ZDHHC3: variants seen among roughly 807,000 people sequenced by gnomAD.
ZDHHC3 encodes the protein palmitoyltransferase ZDHHC3.
In ZDHHC3, 9 loss-of-function variants were observed where a neutral mutation model predicts 30.6. That is an observed-to-expected ratio of 0.29 (90% CI 0.18 to 0.51). The LOEUF is 0.51. ZDHHC3 is among the 20% of genes least tolerant of loss of function. The pLI, the probability that ZDHHC3 is intolerant of heterozygous loss-of-function variation, is 0.97. For synonymous variants in ZDHHC3, 136 were observed against 140.2 expected (o/e 0.97, Z 0.21); for missense variants, 246 against 384.2 (o/e 0.64, Z 3.01).
At chr3:44,945,431 T>C in intron 2 of ZDHHC3, 139 bp from the exon 3 acceptor site, 2 of 1,259,664 alleles carry the variant, frequency 1.6e-6, no homozygotes, top group East Asian at 2.4e-5. Flanking sequence ...ACATGTGGAC[T>C]CTGTGTTCAG....
At position 44,918,747 on chromosome 3, in the gene ZDHHC3, C is replaced by T. The variant is rs1195711953; in HGVS notation, c.*7942G>A. 1.0e-6 allele frequency: 1 copy of T among 988,028 alleles called. No individual in the cohort carries two copies. Among genetic ancestry groups the T allele is most frequent in the Non-Finnish European group, 1.2e-6 (1 of 831,446 alleles). The allele number at this position is 988,028 out of a possible 1,614,324, so 61.2% of individuals were successfully genotyped here. Reference sequence around the variant, plus strand: ...AGGTAAGGCTGGGCTCAGGCCTGCTCATGCAGCAGATCCACCCTGCAGCCT... The same window carrying T: ...AGGTAAGGCTGGGCTCAGGCCTGCTTATGCAGCAGATCCACCCTGCAGCCT... On this transcript the variant is annotated 3_prime_UTR_variant, in exon 7 of 7. Transcript: ENST00000424952.
Position 44,976,087 on chromosome 3 carries a change from A to G in ZDHHC3, c.-179T>C, listed in dbSNP as rs1015593000. 5 of 438,854 alleles carry G rather than the reference A, an allele frequency of 1.1e-5. No homozygotes were observed. Among genetic ancestry groups the G allele is most frequent in the African/African-American group, 6.2e-5 (3 of 48,374 alleles). The allele number at this position is 438,854 out of a possible 1,614,324, so 27.2% of individuals were successfully genotyped here. Reference sequence around the variant, plus strand: ...GCGCCGCGGCTCTCTGGACTCGGCCAGACACCGGGCGGCGCGCAGGAGAAG... The same window carrying G: ...GCGCCGCGGCTCTCTGGACTCGGCCGGACACCGGGCGGCGCGCAGGAGAAG... On this transcript the variant is annotated 5_prime_UTR_variant, in exon 1 of 7. Coordinates refer to ENST00000424952, the MANE Select transcript of ZDHHC3 (RefSeq NM_001135179.2).
rs775388446 is a variant in ZDHHC3 at position 44,945,284 on chromosome 3, C to G, written c.315G>C (p.Val105=). The change falls in exon 3 of 7, where the codon GTG becomes GTC. Residue 105 remains valine, a synonymous_variant. Coordinates refer to ENST00000424952, the MANE Select transcript of ZDHHC3 (RefSeq NM_001135179.2). ...ATTCTTTAGTGGCATTTCCTTTGGGCACTGCCCCCTGTAGGAAAGATGAAA... is the reference window on the plus strand; with the variant it reads ...ATTCTTTAGTGGCATTTCCTTTGGGGACTGCCCCCTGTAGGAAAGATGAAA... ...CRAMLTDPGA[V]PKGNATKEFI... The G allele has an allele frequency of 8.1e-6, 13 of 1,614,176 alleles. No homozygotes were observed. The South Asian group carries it at 1.3e-4, about 16-fold the overall frequency.
chr3:44,923,860 T>C lies in ZDHHC3; in HGVS notation c.*2829A>G, dbSNP rs1700786266. The C allele has an allele frequency of 3.0e-6, 3 of 985,378 alleles. No homozygotes were observed. The highest frequency in any genetic ancestry group is 3.6e-6 in the Non-Finnish European group (3 of 829,912). 61.0% of individuals were successfully genotyped at this position (985,378 alleles called of 1,614,324 possible). On this transcript the variant is annotated 3_prime_UTR_variant, in exon 7 of 7. Coordinates refer to ENST00000424952, the MANE Select transcript of ZDHHC3 (RefSeq NM_001135179.2). ...ACAAAATGGTGGGACTAAAAGGAGATTTAGCACATGCACTTCTACCCAAAT... is the reference window on the plus strand; with the variant it reads ...ACAAAATGGTGGGACTAAAAGGAGACTTAGCACATGCACTTCTACCCAAAT...
At chr3:44,956,634 TGGTACA>T in intron 2 of ZDHHC3, among the ~76,000 whole-genome samples, 1 of 152,290 alleles carries the variant, frequency 6.6e-6, no homozygotes, top group African/African-American at 2.4e-5. Context: ...CTCCAAGAGA[TGGTACA>T]GGCAGGATTG....
intron 2 of ZDHHC3, among the ~76,000 whole-genome samples, chr3:44,956,765 C>T (rs992501557): frequency 1.3e-5 from 2 of 152,136 alleles, no homozygotes; most frequent in Non-Finnish European, 2.9e-5. Context: ...TACCTCTAGT[C>T]CCCCTGCTTC....
chr3:44,923,170 G>A lies in ZDHHC3; in HGVS notation c.*3519C>T, dbSNP rs1251396887. The A allele has an allele frequency of 4.5e-6, 4 of 887,540 alleles. No individual in the cohort carries two copies. Among genetic ancestry groups the A allele is most frequent in the East Asian group, 1.2e-4 (1 of 8,276 alleles). The allele number at this position is 887,540 out of a possible 1,614,324, so 55.0% of individuals were successfully genotyped here. A position where few individuals can be genotyped will look rare whatever the true frequency, so the allele number is the denominator to read the frequency against. The stretch of plus-strand genomic sequence containing the variant: ...GGCTCACTGCAAGCTCCACTTCCCG[G>A]GTTCACGCCATTCTCCTGCCTCAGC... On this transcript the variant is annotated 3_prime_UTR_variant, in exon 7 of 7. Coordinates refer to ENST00000424952, the MANE Select transcript of ZDHHC3 (RefSeq NM_001135179.2).
intron 1 of ZDHHC3, among the ~76,000 whole-genome samples, chr3:44,973,834 AG>A (rs1705622801): frequency 6.6e-6 from 1 of 152,254 alleles, no homozygotes; most frequent in African/African-American, 2.4e-5. Flanking sequence ...TGAAAATTAG[AG>A]TATAAGGTTT....
intron 3 of ZDHHC3, among the ~76,000 whole-genome samples, chr3:44,943,462 G>A (rs898415753): frequency 6.6e-6 from 1 of 152,158 alleles, no homozygotes; most frequent in African/African-American, 2.4e-5. Flanking sequence ...CACAGGTACT[G>A]GGGAGCTGAC....
rs535645932 is a variant in ZDHHC3 at position 44,959,940 on chromosome 3, T to C, written c.-24-480A>G. Among the ~76,000 whole-genome samples, 99 of 152,250 alleles carry C rather than the reference T, an allele frequency of 6.5e-4. 1 individual carries two copies. The highest frequency in any genetic ancestry group is 1.1e-3 in the Non-Finnish European group (74 of 68,022). On this transcript the variant is annotated intron_variant, in intron 1 of 6. Transcript: ENST00000424952. This position sits in a 1 kb window ranked among gnomAD's most constrained non-coding sequence, Gnocchi z 4.3. ...CCACACCTGGCTAATTTTTATATTT[T>C]TTTGTAGAGATGGGGTTTTGCCATG...
Position 44,918,772 on chromosome 3 carries a change from T to G in ZDHHC3, c.*7917A>C. The G allele has an allele frequency of 1.0e-6, 1 of 986,940 alleles. No individual in the cohort carries two copies. Among genetic ancestry groups the G allele is most frequent in the Non-Finnish European group, 1.2e-6 (1 of 830,978 alleles). 61.1% of individuals were successfully genotyped at this position (986,940 alleles called of 1,614,324 possible). ...CATGCAGCAGATCCACCCTGCAGCC[T>G]CTTCCAAGCTGTCAACTCACCTGCC... is the stretch of plus-strand genomic sequence containing the variant. On this transcript the variant is annotated 3_prime_UTR_variant, in exon 7 of 7. Coordinates refer to ENST00000424952, the MANE Select transcript of ZDHHC3 (RefSeq NM_001135179.2).
Position 44,932,812 on chromosome 3 carries a change from A to G in ZDHHC3, c.610+306T>C, listed in dbSNP as rs1701610617. 2.6e-6 allele frequency: 3 copies of G among 1,143,052 alleles called. No individual in the cohort carries two copies. The East Asian group carries it at 7.1e-5, about 27-fold the overall frequency. The allele number at this position is 1,143,052 out of a possible 1,614,324, so 70.8% of individuals were successfully genotyped here. A position where few individuals can be genotyped will look rare whatever the true frequency, so the allele number is the denominator to read the frequency against. On this transcript the variant is annotated intron_variant, in intron 5 of 6. Transcript: ENST00000424952. ...AAACTTCTCTCCCAGCATGGCTCCCACGCATTGGAACCGGCCTCTGTGCTT... is the reference window on the plus strand; with the variant it reads ...AAACTTCTCTCCCAGCATGGCTCCCGCGCATTGGAACCGGCCTCTGTGCTT...
chr3:44,958,529 T>C (rs1470572365), intron 2 of ZDHHC3: 2 of 1,440,096 alleles, frequency 1.4e-6, no homozygotes, highest in East Asian at 4.9e-5. Context: ...CGTGCGCAGC[T>C]TGGCATATTT....
chr3:44,972,739 G>C (rs1438954299), intron 1 of ZDHHC3, among the ~76,000 whole-genome samples: 1 of 152,202 alleles, frequency 6.6e-6, no homozygotes, highest in Non-Finnish European at 1.5e-5. Flanking sequence ...TCATGCAGTA[G>C]TTCGAGGTCC....
intron 1 of ZDHHC3, among the ~76,000 whole-genome samples, chr3:44,965,912 C>T (rs1379609228): frequency 6.6e-6 from 1 of 152,210 alleles, no homozygotes; most frequent in African/African-American, 2.4e-5. Flanking sequence ...TTTTCTAAAA[C>T]ACCGCATCCA....
chr3:44,924,992 TG>T lies in ZDHHC3; in HGVS notation c.*1696del. 1 of 985,520 alleles carries T rather than the reference TG, an allele frequency of 1.0e-6. No individual in the cohort carries two copies. Among genetic ancestry groups the T allele is most frequent in the South Asian group, 4.7e-5 (1 of 21,290 alleles). 61.0% of individuals were successfully genotyped at this position (985,520 alleles called of 1,614,324 possible). On this transcript the variant is annotated 3_prime_UTR_variant, in exon 7 of 7. Coordinates refer to ENST00000424952, the MANE Select transcript of ZDHHC3 (RefSeq NM_001135179.2). ...CAGAAAGCAAAGGAAAGAGGCCTGGTGGGGCAAGCTGGTTCAAGAGAGGGAC... is the reference window on the plus strand; with the variant it reads ...CAGAAAGCAAAGGAAAGAGGCCTGGTGGGCAAGCTGGTTCAAGAGAGGGAC...
At chr3:44,955,770 C>T (rs544161332) in intron 2 of ZDHHC3, among the ~76,000 whole-genome samples, 3 of 152,118 alleles carry the variant, frequency 2.0e-5, no homozygotes, top group African/African-American at 4.8e-5. Context: ...TAGGAGCTCC[C>T]GCTTCTGCAG....
intron 1 of ZDHHC3, chr3:44,975,621 C>T (rs1261144573): frequency 3.3e-5 from 5 of 152,248 alleles, no homozygotes; most frequent in Non-Finnish European, 7.3e-5. Context: ...CCCTTCCCAC[C>T]AAGAACTACC....
intron 1 of ZDHHC3, among the ~76,000 whole-genome samples, chr3:44,962,564 G>A (rs902662356): frequency 6.7e-6 from 1 of 150,026 alleles, no homozygotes; most frequent in African/African-American, 2.4e-5. Flanking sequence ...GGGTATTATA[G>A]CTGTTTGTCC....
Sources: gnomAD v4.1 joint callset for allele counts (sites outside exome capture counted in the v4.1 genomes callset) on GRCh38, gnomAD v4.1.1 for gene constraint, Gnocchi (gnomAD v3.1) non-coding constraint, MANE v1.5 for transcripts, NCBI Gene and HGNC (gene_info 2026-07-23, HGNC 2026-07-21) for gene names.